Variants in DIXDC1 observed in about 807,000 individuals in gnomAD.
The protein encoded by DIXDC1 is DIX domain containing 1.
In DIXDC1, 64 loss-of-function variants were observed where a neutral mutation model predicts 103.1. That is an observed-to-expected ratio of 0.62 (90% CI 0.51 to 0.76). The LOEUF is 0.76. Ranked by LOEUF, DIXDC1 falls within the 30% of genes least tolerant of loss-of-function variation. The probability of loss-of-function intolerance (pLI) is 0.00; values close to 1 mark genes in which losing one functional copy is unlikely to be tolerated. For missense variants in DIXDC1, 759 were observed against 834.2 expected (o/e 0.91, Z 1.11); for synonymous variants, 266 against 298.5 (o/e 0.89, Z 1.12).
chr11:111,946,657 A>G, intron 1 of DIXDC1: 1 of 277,502 alleles, frequency 3.6e-6, no homozygotes, highest in South Asian at 3.3e-5. Context: ...CACTGCACCC[A>G]GCCAACATGT....
chr11:111,939,620 A>G (rs1466667280), intron 1 of DIXDC1, among the ~76,000 whole-genome samples: 2 of 152,230 alleles, frequency 1.3e-5, no homozygotes, highest in African/African-American at 4.8e-5. Context: ...CATCATCTAA[A>G]TAACAATGAC....
At chr11:111,975,628 C>T in intron 5 of DIXDC1, 1 of 985,998 alleles carries the variant, frequency 1.0e-6, no homozygotes, top group South Asian at 4.7e-5. Flanking sequence ...AATTGTGCTT[C>T]TATAAACACT....
chr11:112,016,669 CA>C lies in DIXDC1; in HGVS notation c.1757-21del, dbSNP rs781977359. 4 of 1,562,228 alleles carry C rather than the reference CA, an allele frequency of 2.6e-6. No homozygotes were observed. The East Asian group carries it at 9.2e-5, about 36-fold the overall frequency. On this transcript the variant is annotated intron_variant, in intron 17 of 19. Transcript: ENST00000440460. ...GTTTAGAGCAAATGAATGTTCTAAC[CA>C]CAGTCTCTTTCTGATTGTAGAGTTG...
intron 1 of DIXDC1, among the ~76,000 whole-genome samples, chr11:111,957,004 A>G (rs184293154): frequency 7.0e-6 from 1 of 143,522 alleles, no homozygotes; most frequent in Non-Finnish European, 1.5e-5. Flanking sequence ...CTGTCTCTAT[A>G]AAAAAAATAA....
At position 111,966,560 on chromosome 11, in the gene DIXDC1, C is replaced by T. The variant is rs587650955; in HGVS notation, c.190+1882C>T. Among the ~76,000 whole-genome samples, 29 of 152,022 alleles carry T rather than the reference C, an allele frequency of 1.9e-4. No individual in the cohort carries two copies. In the South Asian group the frequency reaches 3.7e-3, roughly 20 times the overall value. ...CTGGGACTACAGGCGCCCGCCACCG[C>T]GCCCGGCTAATTTTTTGTATTTTTA... is the stretch of plus-strand genomic sequence containing the variant. On this transcript the variant is annotated intron_variant, in intron 2 of 19. Coordinates refer to ENST00000440460, the MANE Select transcript of DIXDC1 (RefSeq NM_001037954.4).
At chr11:111,957,696 A>T (rs1009935584) in intron 1 of DIXDC1, among the ~76,000 whole-genome samples, 2 of 152,252 alleles carry the variant, frequency 1.3e-5, no homozygotes, top group African/African-American at 4.8e-5. Context: ...AAAGACAAAG[A>T]CTGAGCAGCT....
chr11:111,929,266 G>A (rs1004263026), intron 1 of DIXDC1, among the ~76,000 whole-genome samples: 2 of 152,248 alleles, frequency 1.3e-5, no homozygotes, highest in Non-Finnish European at 2.9e-5. Context: ...CAGTAGCAGA[G>A]CTTCCAGTAT....
At chr11:111,968,445 G>A in intron 2 of DIXDC1, 68 bp from the exon 3 acceptor site, 3 of 1,534,414 alleles carry the variant, frequency 2.0e-6, no homozygotes, top group South Asian at 2.4e-5. Context: ...CTTCCTCTGT[G>A]TCTAGCTGCT....
At chr11:112,011,459 A>G (rs1425531766) in intron 17 of DIXDC1, among the ~76,000 whole-genome samples, 1 of 152,202 alleles carries the variant, frequency 6.6e-6, no homozygotes, top group Non-Finnish European at 1.5e-5. Flanking sequence ...CTGGATATAT[A>G]CCCAAAGGAT....
rs182369247 is a variant in DIXDC1, at chr11:111,953,992, C to T, written c.61-10557C>T. Among the ~76,000 whole-genome samples the T allele has an allele frequency of 3.3e-3, 505 of 152,208 alleles. 1 individual carries two copies. The highest frequency in any genetic ancestry group is 6.8e-3 in the Middle Eastern group (2 of 294). ...GTCATTATTCCCTAAACCAGAGGTC[C>T]CCAACCTTTCTGGCACCAGGGACCG... On this transcript the variant is annotated intron_variant, in intron 1 of 19. Transcript: ENST00000440460.
intron 1 of DIXDC1, among the ~76,000 whole-genome samples, chr11:111,962,654 G>A (rs1859620255): frequency 6.6e-6 from 1 of 152,132 alleles, no homozygotes; most frequent in African/African-American, 2.4e-5. Flanking sequence ...AATGGCAATT[G>A]GATTTTATCT....
chr11:111,929,754 T>C (rs1965953049), intron 1 of DIXDC1: 1 of 1,110,836 alleles, frequency 9.0e-7, no homozygotes, highest in Non-Finnish European at 1.3e-6. Context: ...CTCGGTTAGT[T>C]GAGCTTTAAA....
rs1555170762 is a variant in DIXDC1, at chr11:111,958,473, G to C, written c.61-6076G>C. 6.6e-6 allele frequency among the ~76,000 whole-genome samples: 1 copy of C among 152,240 alleles called. No individual in the cohort carries two copies. The highest frequency in any genetic ancestry group is 1.5e-5 in the Non-Finnish European group (1 of 68,046). ...GCACTGCCACAACCTGGCTGGGTGTGCACAGGGTTGGGGCAGCACTGATAT... is the reference window on the plus strand; with the variant it reads ...GCACTGCCACAACCTGGCTGGGTGTCCACAGGGTTGGGGCAGCACTGATAT... On this transcript the variant is annotated intron_variant, in intron 1 of 19. Transcript: ENST00000440460. This position sits in a 1 kb window ranked among gnomAD's most constrained non-coding sequence, Gnocchi z 4.2.
intron 14 of DIXDC1, 130 bp from the exon 15 acceptor site, chr11:111,994,889 T>C (rs1480692627): frequency 1.1e-6 from 1 of 869,706 alleles, no homozygotes; most frequent in Non-Finnish European, 1.8e-6. Context: ...TACATTCTAA[T>C]AAAGAGAGCC....
Position 112,002,211 on chromosome 11 carries a change from C to G in DIXDC1, c.1756+6065C>G, listed in dbSNP as rs1861089929. 1.3e-5 allele frequency among the ~76,000 whole-genome samples: 2 copies of G among 151,576 alleles called. 1 individual carries two copies. The highest frequency in any genetic ancestry group is 4.9e-5 in the African/African-American group (2 of 41,228). On this transcript the variant is annotated intron_variant, in intron 17 of 19. Transcript: ENST00000440460. ...TGTGACAGTGAGATATCATCTTACCCCAGTTAAAATGCCTTTTATCAGAAA... is the reference window on the plus strand; with the variant it reads ...TGTGACAGTGAGATATCATCTTACCGCAGTTAAAATGCCTTTTATCAGAAA...
chr11:111,991,180 A>C (rs1860702295), intron 10 of DIXDC1, among the ~76,000 whole-genome samples: 1 of 152,190 alleles, frequency 6.6e-6, no homozygotes, highest in East Asian at 1.9e-4. Context: ...GTACTTTTGA[A>C]ACACTTTAAA....
At chr11:111,937,143 G>GGGGT, upstream of DIXDC1, 1 of 753,116 alleles carries the variant, frequency 1.3e-6, no homozygotes, top group Non-Finnish European at 1.6e-6. Flanking sequence ...GGGGGGGGGT[G>GGGGT]TGCGCGTGCG....
intron 1 of DIXDC1, among the ~76,000 whole-genome samples, chr11:111,962,631 C>T (rs186682774): frequency 7.7e-4 from 117 of 152,190 alleles, no homozygotes; most frequent in East Asian, 2.3e-3. Flanking sequence ...AAGGCTAGCA[C>T]GTGACGAGCT....
At chr11:111,964,046 G>T (rs2137507038) in intron 1 of DIXDC1, among the ~76,000 whole-genome samples, 1 of 152,352 alleles carries the variant, frequency 6.6e-6, no homozygotes, top group African/African-American at 2.4e-5. Flanking sequence ...GAAGAAAGCA[G>T]CTATGGGAGA....
Sources: gnomAD v4.1 joint callset for allele counts (sites outside exome capture counted in the v4.1 genomes callset) on GRCh38, gnomAD v4.1.1 for gene constraint, Gnocchi (gnomAD v3.1) non-coding constraint, MANE v1.5 for transcripts, NCBI Gene and HGNC (gene_info 2026-07-23, HGNC 2026-07-21) for gene names.